The following NCOR1 variants were observed in gnomAD, a reference collection of about 807,000 sequenced individuals.
The protein encoded by NCOR1 is protein phosphatase 1, regulatory subunit 109.
Under a neutral mutation model 288.1 loss-of-function variants are expected in NCOR1, and 63 were observed. The observed-to-expected ratio is 0.22, with a 90% confidence interval of 0.18 to 0.27. The LOEUF is 0.27. Among genes scored for constraint, NCOR1 ranks in the 10% least tolerant of loss-of-function variants. The probability of loss-of-function intolerance (pLI) is 1.00; values close to 1 mark genes in which losing one functional copy is unlikely to be tolerated. For synonymous variants in NCOR1, 1,007 were observed against 1,065.9 expected, an observed-to-expected ratio of 0.94 and a Z score of 1.08; for missense variants, 2,397 against 3,019.2, an observed-to-expected ratio of 0.79 and a Z score of 4.83.
chr17:16,214,814 G>A (rs1400015591), intron 1 of NCOR1, among the ~76,000 whole-genome samples: 1 of 152,204 alleles, frequency 6.6e-6, no homozygotes, highest in East Asian at 1.9e-4. Context: ...ACGGCAGAAG[G>A]TATAGTGTTC....
chr17:16,086,360 C>T lies in NCOR1; in HGVS notation c.3099G>A (p.Pro1033=), dbSNP rs747290065. 3.1e-6 allele frequency: 5 copies of T among 1,613,804 alleles called. No homozygotes were observed. The highest frequency in any genetic ancestry group is 4.2e-6 in the Non-Finnish European group (5 of 1,179,898). The change falls in exon 23 of 46, where the codon CCG becomes CCA. Residue 1033 remains proline, a synonymous_variant. Transcript: ENST00000268712. ...RLPTTRPTRP[P]PPLIPSSKTT... ...TTTTGGATGACGGGATGAGAGGGGG[C>T]GGTGGCCTGGTTGGTCGAGTTGTCG...
intron 18 of NCOR1, among the ~76,000 whole-genome samples, chr17:16,111,512 G>A (rs1165006957): frequency 1.3e-5 from 2 of 152,042 alleles, no homozygotes; most frequent in African/African-American, 4.8e-5. Flanking sequence ...TGAGGCAGGA[G>A]TATCGCTTGA....
intron 5 of NCOR1, among the ~76,000 whole-genome samples, chr17:16,164,347 A>C (rs1226630672): frequency 1.3e-5 from 2 of 152,114 alleles, no homozygotes; most frequent in Non-Finnish European, 2.9e-5. Flanking sequence ...TCTTCTATAC[A>C]CATATCTGAC....
At chr17:16,087,787 C>T (rs1306212669) in intron 22 of NCOR1, among the ~76,000 whole-genome samples, 1 of 152,054 alleles carries the variant, frequency 6.6e-6, no homozygotes, top group African/African-American at 2.4e-5. Context: ...ATGGAAGAAG[C>T]CTTTCAAAAG....
chr17:16,174,086 T>C (rs2083627259), intron 3 of NCOR1, among the ~76,000 whole-genome samples: 1 of 152,220 alleles, frequency 6.6e-6, no homozygotes, highest in Non-Finnish European at 1.5e-5. Flanking sequence ...CTCAAATTCA[T>C]ATGTTGGAAG....
chr17:16,064,212 A>G (rs2152658177), intron 34 of NCOR1, 25 bp from the exon 35 acceptor site: 2 of 1,600,054 alleles, frequency 1.2e-6, no homozygotes, highest in East Asian at 4.5e-5. Flanking sequence ...CCTGCAGCTT[A>G]AAGATAAAAA....
Position 16,030,434 on chromosome 17 carries a change from CT to C in NCOR1, c.*1861del, listed in dbSNP as rs958835328. On this transcript the variant is annotated 3_prime_UTR_variant, in exon 46 of 46. Coordinates refer to ENST00000268712, the MANE Select transcript of NCOR1 (RefSeq NM_006311.4). ...TCATAGAAAAATACCATCATAATCT[CT>C]TTTATGGTAGGTTGGCAATATAAAT... 4.8e-6 allele frequency: 1 copy of C among 209,786 alleles called. No individual in the cohort carries two copies. Among genetic ancestry groups the C allele is most frequent in the Non-Finnish European group, 9.7e-6 (1 of 103,462 alleles). The allele number at this position is 209,786 out of a possible 1,614,324, so 13.0% of individuals were successfully genotyped here.
At chr17:16,194,310 C>A in intron 2 of NCOR1, 152 bp downstream of exon 2, 1 of 475,208 alleles carries the variant, frequency 2.1e-6, no homozygotes, top group Non-Finnish European at 3.8e-6. Flanking sequence ...AATTAATTCC[C>A]AATCTTTGGT....
chr17:16,135,271 G>C (rs1299840916), intron 14 of NCOR1, among the ~76,000 whole-genome samples: 1 of 151,936 alleles, frequency 6.6e-6, no homozygotes, highest in Non-Finnish European at 1.5e-5. Flanking sequence ...CATTCTTTAG[G>C]GGAAGCAGGA....
At chr17:16,184,561 TAAC>T (rs1240491159) in intron 3 of NCOR1, among the ~76,000 whole-genome samples, 1 of 152,052 alleles carries the variant, frequency 6.6e-6, no homozygotes, top group Admixed American at 6.6e-5. Context: ...AGTCAAAAGA[TAAC>T]AAATATTAAT....
At chr17:16,153,254 A>C in intron 7 of NCOR1, 85 bp downstream of exon 7, 1 of 943,552 alleles carries the variant, frequency 1.1e-6, no homozygotes. Flanking sequence ...CCCAAAATAA[A>C]TGGATCATAT....
chr17:16,176,589 T>A (rs539021615), intron 3 of NCOR1, among the ~76,000 whole-genome samples: 1 of 150,598 alleles, frequency 6.6e-6, no homozygotes, highest in Non-Finnish European at 1.5e-5. Flanking sequence ...TTAGATGCTA[T>A]AATTGCTCAG....
chr17:16,128,764 T>C (rs1021164261), intron 14 of NCOR1, among the ~76,000 whole-genome samples: 1 of 152,148 alleles, frequency 6.6e-6, no homozygotes, highest in Non-Finnish European at 1.5e-5. Context: ...CAAAGTCTTT[T>C]ACCTATTCAT....
Position 16,145,751 on chromosome 17 carries a change from G to A in NCOR1, c.1082+625C>T, listed in dbSNP as rs1203786094. Among the ~76,000 whole-genome samples the A allele has an allele frequency of 4.6e-5, 7 of 152,192 alleles. No homozygotes were observed. In the South Asian group the frequency reaches 1.2e-3, roughly 27 times the overall value. Reference sequence around the variant, plus strand: ...CCTGCCCAGTCAGCCGCCCCATCCGGGGGGTGGGGCGCCTCCACCTGGCCG... The same window carrying A: ...CCTGCCCAGTCAGCCGCCCCATCCGAGGGGTGGGGCGCCTCCACCTGGCCG... On this transcript the variant is annotated intron_variant, in intron 10 of 45. Transcript: ENST00000268712.
intron 25 of NCOR1, 56 bp from the exon 26 acceptor site, chr17:16,080,120 T>TA (rs1244991601): frequency 7.0e-7 from 1 of 1,430,742 alleles, no homozygotes; most frequent in Non-Finnish European, 9.8e-7. Flanking sequence ...CCCCAAAACA[T>TA]AAAAAAACAG....
At chr17:16,114,980 G>T (rs901564629) in intron 18 of NCOR1, among the ~76,000 whole-genome samples, 2 of 152,124 alleles carry the variant, frequency 1.3e-5, no homozygotes, top group Non-Finnish European at 2.9e-5. Context: ...GGTCCTCCAT[G>T]AGAGCCCCAC....
At position 16,031,509 on chromosome 17, in the gene NCOR1, G is replaced by GT. The variant is rs1166344958; in HGVS notation, c.*786dup. ...GGGCATGGTTAAATTACCAGTGTGC[G>GT]TAACAGTGAGGTATGCCTCAAATAA... On this transcript the variant is annotated 3_prime_UTR_variant, in exon 46 of 46. Coordinates refer to ENST00000268712, the MANE Select transcript of NCOR1 (RefSeq NM_006311.4). 139 of 205,644 alleles carry GT rather than the reference G, an allele frequency of 6.8e-4. No individual in the cohort carries two copies. The highest frequency in any genetic ancestry group is 2.9e-4 in the Non-Finnish European group (29 of 100,624). The allele number at this position is 205,644 out of a possible 1,614,324, so 12.7% of individuals were successfully genotyped here.
chr17:16,044,025 C>T (rs555818609), intron 42 of NCOR1, among the ~76,000 whole-genome samples: 3 of 151,876 alleles, frequency 2.0e-5, no homozygotes, highest in East Asian at 3.9e-4. Context: ...CAAAATTAGC[C>T]GGATATGGTG....
At chr17:16,139,255 T>A (rs190850750) in intron 11 of NCOR1, 69 bp from the exon 12 acceptor site, 2 of 1,314,402 alleles carry the variant, frequency 1.5e-6, no homozygotes, top group African/African-American at 3.0e-5. Flanking sequence ...CATGGACCAA[T>A]GCTCTTAATG....
Sources: gnomAD v4.1 joint callset for allele counts (sites outside exome capture counted in the v4.1 genomes callset) on GRCh38, gnomAD v4.1.1 for gene constraint, MANE v1.5 for transcripts, NCBI Gene and HGNC (gene_info 2026-07-23, HGNC 2026-07-21) for gene names.